Variants in ACOT2 observed in about 807,000 individuals in gnomAD.
The protein encoded by ACOT2 is acyl-CoA thioesterase 2.
In ACOT2, 15 loss-of-function variants were observed where a neutral mutation model predicts 20.1. The observed-to-expected ratio is 0.75, with a 90% CI of 0.50 to 1.15. The LOEUF is 1.15. Among genes scored for constraint, ACOT2 ranks in the 50% most tolerant of loss-of-function variants. The pLI, the probability that ACOT2 is intolerant of heterozygous loss-of-function variation, is 0.00. For missense variants in ACOT2, 479 were observed against 615.3 expected, an observed-to-expected ratio of 0.78 and a Z score of 2.34; for synonymous variants, 252 against 268.4, an observed-to-expected ratio of 0.94 and a Z score of 0.60.
rs746944617 is a variant in ACOT2 at position 73,569,679 on chromosome 14, G to A, written c.439G>A (p.Glu147Lys). 5 of 1,609,102 alleles carry A rather than the reference G, an allele frequency of 3.1e-6. No homozygotes were observed. The African/African-American group carries it at 4.0e-5, about 13-fold the overall frequency. Residue 147 changes from glutamate (E) to lysine (K), a missense_variant, in exon 1 of 3, where the codon GAG (glutamate) becomes AAG (lysine). Physicochemically the swap from Glu to Lys is moderately conservative, Grantham distance 56. This residue lies in a region of ACOT2 where 400 missense variants were observed against 395.5 expected (regional missense o/e 1.01). Coordinates refer to ENST00000238651, the MANE Select transcript of ACOT2 (RefSeq NM_006821.6). The stretch of plus-strand genomic sequence containing the variant: ...GCCCATGGGGCTGCTCTGGGCCTTG[G>A]AGCCCGAGAAACCTTTGGTGCGGCT... ...LEPMGLLWAL[E>K]PEKPLVRLVK...
chr14:73,570,903 T>TAAAA (rs56094300), intron 1 of ACOT2, among the ~76,000 whole-genome samples: 6 of 137,458 alleles, frequency 4.4e-5, no homozygotes, highest in African/African-American at 1.4e-4. Flanking sequence ...GACTCTATCT[T>TAAAA]AAAAAAAAAA....
In ACOT2 at chr14:73,575,331, A is replaced by G. The variant is rs1355724525; in HGVS notation, c.1270A>G (p.Ile424Val). The G allele has an allele frequency of 1.1e-6, 1 of 901,580 alleles. No homozygotes were observed. Among genetic ancestry groups the G allele is most frequent in the African/African-American group, 2.3e-5 (1 of 43,052 alleles). The allele number at this position is 901,580 out of a possible 1,614,324, so 55.8% of individuals were successfully genotyped here. Reference sequence around the variant, plus strand: ...CTGTTACCCAGAGACAGGGCACTATATTGAGCCTCCTTACTTCCCCCTGTG... The same window carrying G: ...CTGTTACCCAGAGACAGGGCACTATGTTGAGCCTCCTTACTTCCCCCTGTG... The part of the protein sequence containing the change: ...IICYPETGHY[I>V]EPPYFPLCRA... Residue 424 changes from isoleucine to valine, a missense_variant, in exon 3 of 3, where the codon ATT becomes GTT. By Grantham distance (29) the Ile-to-Val change is conservative. Coordinates refer to ENST00000238651, the MANE Select transcript of ACOT2 (RefSeq NM_006821.6).
At position 73,569,594 on chromosome 14, in the gene ACOT2, T is replaced by G. The variant is rs549253457; in HGVS notation, c.354T>G (p.Thr118=). 13 of 1,602,124 alleles carry G rather than the reference T, an allele frequency of 8.1e-6. No individual in the cohort carries two copies. The South Asian group carries it at 1.3e-4, about 16-fold the overall frequency. ...FQAHARYRAD[T]LGELDLERAP... ...CCCACGCGCGCTACCGCGCCGACAC[T>G]CTTGGCGAGCTGGACCTGGAGCGCG... Residue 118 remains threonine (T), a synonymous_variant, in exon 1 of 3, where the codon ACT becomes ACG. Transcript: ENST00000238651.
chr14:73,575,650 C>T lies in ACOT2; in HGVS notation c.*137C>T, dbSNP rs1889866885. The T allele has an allele frequency of 6.8e-7, 1 of 1,471,804 alleles. No individual in the cohort carries two copies. Among genetic ancestry groups the T allele is most frequent in the African/African-American group, 1.4e-5 (1 of 69,800 alleles). 91.2% of individuals were successfully genotyped at this position (1,471,804 alleles called of 1,614,324 possible). A position where few individuals can be genotyped will look rare whatever the true frequency, so the allele number is the denominator to read the frequency against. On this transcript the variant is annotated 3_prime_UTR_variant, in exon 3 of 3. Transcript: ENST00000238651. ...CCCCTCATTATTAAAATGAATTTAC[C>T]AGTAAGAATGAGTTTTTAAGATTTT...
intron 1 of ACOT2, among the ~76,000 whole-genome samples, chr14:73,572,953 TTAC>T (rs1389459092): frequency 6.6e-6 from 1 of 151,580 alleles, no homozygotes; most frequent in African/African-American, 2.4e-5. Flanking sequence ...GCCTGCATTA[TTAC>T]TATTTAATTT....
chr14:73,571,697 C>G (rs1408722706), intron 1 of ACOT2: 2 of 151,830 alleles, frequency 1.3e-5, no homozygotes, highest in African/African-American at 2.4e-5. Flanking sequence ...CTGTGCTCAT[C>G]GCTGCCGGGG....
At chr14:73,567,698 C>T (rs1250798453), upstream of ACOT2, 1 of 152,040 alleles carries the variant, frequency 6.6e-6, no homozygotes, top group East Asian at 1.9e-4. Context: ...ACTGCTCCTT[C>T]TTTGGGTCCA....
intron 1 of ACOT2, among the ~76,000 whole-genome samples, chr14:73,570,340 C>G (rs768384537): frequency 1.3e-5 from 2 of 151,688 alleles, no homozygotes; most frequent in African/African-American, 4.8e-5. Context: ...GAAGTCTCGG[C>G]GGGCAGATCA....
chr14:73,569,650 T>A lies in ACOT2; in HGVS notation c.410T>A (p.Leu137His), dbSNP rs1566858435. ...GCGCTGGGCGGCAGCTTCGCGGGGC[T>A]TGAGCCCATGGGGCTGCTCTGGGCC... ...APALGGSFAG[L>H]EPMGLLWALE... Residue 137 changes from leucine to histidine, a missense_variant, in exon 1 of 3, where the codon CTT (leucine) becomes CAT (histidine). Leu to His is a moderately conservative substitution (Grantham distance 99). Transcript: ENST00000238651. The A allele has an allele frequency of 2.5e-6, 4 of 1,605,544 alleles. No homozygotes were observed. Among genetic ancestry groups the A allele is most frequent in the Non-Finnish European group, 2.5e-6 (3 of 1,177,374 alleles).
At chr14:73,574,568 A>G (rs557364470) in intron 2 of ACOT2, among the ~76,000 whole-genome samples, 73 of 152,082 alleles carry the variant, frequency 4.8e-4, no homozygotes, top group African/African-American at 1.7e-3. Flanking sequence ...CGGCCATGAG[A>G]TGATGTACTT....
intron 1 of ACOT2, 89 bp downstream of exon 1, chr14:73,569,972 C>T: frequency 4.1e-6 from 6 of 1,464,502 alleles, no homozygotes; most frequent in South Asian, 1.4e-5. Context: ...ATGTGTATGC[C>T]CCCCCGCCGC....
upstream of ACOT2, chr14:73,567,807 A>T (rs1368818888): frequency 6.6e-6 from 1 of 152,030 alleles, no homozygotes; most frequent in African/African-American, 2.4e-5. Context: ...ACAACTCTGG[A>T]CCTGCTGCCT....
upstream of ACOT2, chr14:73,567,996 G>A (rs974859201): frequency 6.6e-6 from 1 of 152,074 alleles, no homozygotes; most frequent in African/African-American, 2.4e-5. Flanking sequence ...TCACTGCGAG[G>A]GTCTGCGGCT....
chr14:73,572,334 CAAAAG>C (rs905408948), intron 1 of ACOT2, among the ~76,000 whole-genome samples: 7 of 151,056 alleles, frequency 4.6e-5, no homozygotes, highest in East Asian at 3.9e-4. Flanking sequence ...TCAAGATATA[CAAAAG>C]AAAAGAAAAA....
chr14:73,572,406 TAGG>T (rs1234498926), intron 1 of ACOT2, among the ~76,000 whole-genome samples: 3 of 146,786 alleles, frequency 2.0e-5, no homozygotes, highest in Admixed American at 1.3e-4. Context: ...AGTCAAACCC[TAGG>T]AGAACACATT....
At chr14:73,568,396 A>C (rs1402848983), upstream of ACOT2, among the ~76,000 whole-genome samples, 1 of 151,496 alleles carries the variant, frequency 6.6e-6, no homozygotes, top group African/African-American at 2.4e-5. Flanking sequence ...ATAGCTTACG[A>C]AAAAGTAGAA....
At position 73,570,110 on chromosome 14, in the gene ACOT2, C is replaced by CTT. The variant is rs60839743; in HGVS notation, c.643+239_643+240dup. Among the ~76,000 whole-genome samples the CTT allele has an allele frequency of 9.2e-4, 130 of 140,612 alleles. 1 individual carries two copies. Among genetic ancestry groups the CTT allele is most frequent in the South Asian group, 3.5e-3 (16 of 4,518 alleles). The allele number at this position is 140,612 out of a possible 152,430, so 92.2% of individuals were successfully genotyped here. On this transcript the variant is annotated intron_variant, in intron 1 of 2. Coordinates refer to ENST00000238651, the MANE Select transcript of ACOT2 (RefSeq NM_006821.6). Reference sequence around the variant, plus strand: ...GCCCGGCACTTTGAGGGGAGTTACACTTTTTTTTTTTTTCCGTCCCTGCCC... The same window carrying CTT: ...GCCCGGCACTTTGAGGGGAGTTACACTTTTTTTTTTTTTTTCCGTCCCTGCCC...
At chr14:73,567,901 G>A (rs1411577034), upstream of ACOT2, 5 of 152,060 alleles carry the variant, frequency 3.3e-5, no homozygotes, top group African/African-American at 1.2e-4. Context: ...CCACCAGAAG[G>A]AACACATTCC....
chr14:73,573,935 C>T (rs1160801381), intron 2 of ACOT2, among the ~76,000 whole-genome samples: 1 of 152,042 alleles, frequency 6.6e-6, no homozygotes, highest in African/African-American at 2.4e-5. Context: ...CAATATTGGT[C>T]AGGCTGGTCT....
Sources: allele counts gnomAD v4.1 joint callset (sites outside exome capture counted in the v4.1 genomes callset), GRCh38; gene constraint gnomAD v4.1.1; regional missense constraint gnomAD v4.1.1; transcripts MANE v1.5; gene names NCBI Gene and HGNC (gene_info 2026-07-23, HGNC 2026-07-21).